The following UGT1A8 variants were observed in gnomAD, a reference collection of about 807,000 sequenced individuals.
UGT1A8 encodes UDP glucuronosyltransferase family 1 member A8.
Under a neutral mutation model 45.3 loss-of-function variants are expected in UGT1A8, and 39 were observed. That is an observed-to-expected ratio of 0.86 (90% CI 0.67 to 1.12). The LOEUF (loss-of-function observed/expected upper bound fraction) is 1.12, where lower values mean the gene tolerates loss of function less well. Ranked by LOEUF, UGT1A8 falls within the 50% of genes most tolerant of loss-of-function variation. UGT1A8 has a pLI of 0.00. For synonymous variants in UGT1A8, 275 were observed against 249.2 expected (o/e 1.10, Z -0.97); for missense variants, 719 against 664.9 (o/e 1.08, Z -0.90).
chr2:233,740,484 TC>T (rs1034882349), intron 1 of UGT1A8, among the ~76,000 whole-genome samples: 1 of 151,900 alleles, frequency 6.6e-6, no homozygotes, highest in African/African-American at 2.4e-5. Flanking sequence ...CATTCCCTCT[TC>T]CAGATGCTTT....
At chr2:233,710,419 A>G (rs1041680832) in intron 1 of UGT1A8, among the ~76,000 whole-genome samples, 3 of 152,226 alleles carry the variant, frequency 2.0e-5, no homozygotes, top group Non-Finnish European at 4.4e-5. Context: ...TATTTGTGCT[A>G]AGACTTGCTA....
At chr2:233,716,482 AG>A (rs1254204118) in intron 1 of UGT1A8, among the ~76,000 whole-genome samples, 1 of 152,104 alleles carries the variant, frequency 6.6e-6, no homozygotes, top group East Asian at 1.9e-4. Flanking sequence ...TGTCCTCCGT[AG>A]TCTTCTATTC....
intron 1 of UGT1A8, chr2:233,729,111 C>G (rs773243405): frequency 2.0e-5 from 33 of 1,612,748 alleles, no homozygotes; most frequent in Admixed American, 3.3e-5. Flanking sequence ...GTCAGCTGTC[C>G]GTGTCTTCTG....
chr2:233,618,700 C>A, intron 1 of UGT1A8, 138 bp downstream of exon 1: 2 of 1,477,708 alleles, frequency 1.4e-6, no homozygotes, highest in South Asian at 1.4e-5. Flanking sequence ...TATTTTGTGC[C>A]AATTTATGTA....
intron 1 of UGT1A8, chr2:233,682,630 C>T: frequency 2.5e-6 from 4 of 1,613,892 alleles, no homozygotes; most frequent in Non-Finnish European, 3.4e-6. Context: ...TAGAAATAGC[C>T]TCTGAAATTC....
At chr2:233,658,581 C>T (rs755085455) in intron 1 of UGT1A8, among the ~76,000 whole-genome samples, 6 of 152,058 alleles carry the variant, frequency 3.9e-5, no homozygotes, top group Non-Finnish European at 7.4e-5. Flanking sequence ...CAGTTCTGGT[C>T]GGATGTTCTG....
At chr2:233,656,813 C>T (rs757772806) in intron 1 of UGT1A8, among the ~76,000 whole-genome samples, 60 of 152,076 alleles carry the variant, frequency 3.9e-4, no homozygotes, top group Non-Finnish European at 6.8e-4. Flanking sequence ...TTGTGGGAGA[C>T]GGGCGGCACT....
rs368912757 is a variant in UGT1A8, at chr2:233,681,406, C to T, written c.855+62844C>T. ...AAAGTTAGCTGGGCATGGCAGCGTG[C>T]GCCTGTAATCCCAGCTACTGAGGCT... On this transcript the variant is annotated intron_variant, in intron 1 of 4. Coordinates refer to ENST00000373450, the MANE Select transcript of UGT1A8 (RefSeq NM_019076.5). 1.8e-4 allele frequency among the ~76,000 whole-genome samples: 28 copies of T among 151,766 alleles called. No homozygotes were observed. The South Asian group carries it at 5.2e-3, about 28-fold the overall frequency.
At chr2:233,655,571 T>C (rs1202514283) in intron 1 of UGT1A8, among the ~76,000 whole-genome samples, 2 of 152,070 alleles carry the variant, frequency 1.3e-5, no homozygotes. Context: ...CATCTTGTCC[T>C]AGAAAAACTG....
At chr2:233,625,158 A>G (rs1382935247) in intron 1 of UGT1A8, among the ~76,000 whole-genome samples, 1 of 152,126 alleles carries the variant, frequency 6.6e-6, no homozygotes, top group Non-Finnish European at 1.5e-5. Flanking sequence ...AGAAAGGAAA[A>G]TGTTATTTAA....
chr2:233,730,949 G>A (rs1036759717), intron 1 of UGT1A8, among the ~76,000 whole-genome samples: 16 of 152,150 alleles, frequency 1.1e-4, no homozygotes, highest in African/African-American at 1.4e-4. Flanking sequence ...TTTGGGTTTC[G>A]TTGAAATGGT....
At chr2:233,701,496 A>G (rs2075632566) in intron 1 of UGT1A8, among the ~76,000 whole-genome samples, 1 of 152,140 alleles carries the variant, frequency 6.6e-6, no homozygotes, top group Admixed American at 6.5e-5. Context: ...AAGCGGACCT[A>G]ATAGACATCT....
At chr2:233,743,679 C>G (rs773832305) in intron 1 of UGT1A8, 3 of 1,367,098 alleles carry the variant, frequency 2.2e-6, no homozygotes, top group African/African-American at 3.0e-5. Context: ...AAGGGCCTGC[C>G]GCCTGTGCAG....
intron 1 of UGT1A8, among the ~76,000 whole-genome samples, chr2:233,703,171 CAG>C (rs2075726050): frequency 1.3e-5 from 2 of 152,058 alleles, no homozygotes; most frequent in African/African-American, 2.4e-5. Flanking sequence ...GATTCAATTT[CAG>C]TAGTTTGTTT....
chr2:233,694,266 C>T (rs1198459756), intron 1 of UGT1A8, among the ~76,000 whole-genome samples: 1 of 151,834 alleles, frequency 6.6e-6, no homozygotes. Context: ...CAGCGAACTA[C>T]AGCCTGTGAG....
chr2:233,618,556 G>T lies in UGT1A8; in HGVS notation c.849G>T (p.Leu283Phe). Residue 283 changes from leucine to phenylalanine, a missense_variant, in exon 1 of 5, where the codon TTG becomes TTT. By Grantham distance (22) the Leu-to-Phe change is conservative. Transcript: ENST00000373450. Reference protein sequence around the residue: ...GGINCHQGKPLPMEFEAYINA... With the variant: ...GGINCHQGKPFPMEFEAYINA... ...TCAACTGCCATCAGGGAAAGCCATT[G>T]CCTATGGTAAGTCACCTCTCCTTTA... The T allele has an allele frequency of 6.2e-7, 1 of 1,612,932 alleles. No individual in the cohort carries two copies. Among genetic ancestry groups the T allele is most frequent in the South Asian group, 1.1e-5 (1 of 90,988 alleles).
chr2:233,731,397 T>A (rs2078153818), intron 1 of UGT1A8, among the ~76,000 whole-genome samples: 1 of 152,046 alleles, frequency 6.6e-6, no homozygotes, highest in South Asian at 2.1e-4. Context: ...CAACTCGTCA[T>A]TTACATTAGG....
chr2:233,734,138 TG>T (rs2078490713), intron 1 of UGT1A8, among the ~76,000 whole-genome samples: 1 of 152,142 alleles, frequency 6.6e-6, no homozygotes, highest in Non-Finnish European at 1.5e-5. Flanking sequence ...AATTTGGCTG[TG>T]AATCCATCTG....
At chr2:233,619,598 A>C (rs2072963961) in intron 1 of UGT1A8, among the ~76,000 whole-genome samples, 1 of 152,144 alleles carries the variant, frequency 6.6e-6, no homozygotes, top group Non-Finnish European at 1.5e-5. Context: ...AAAAATTTTC[A>C]CTATATAAGC....
Sources: allele counts gnomAD v4.1 joint callset (sites outside exome capture counted in the v4.1 genomes callset), GRCh38; gene constraint gnomAD v4.1.1; transcripts MANE v1.5; gene names NCBI Gene and HGNC (gene_info 2026-07-23, HGNC 2026-07-21).